Variants in PVT1 observed in about 807,000 individuals in gnomAD.
The protein encoded by PVT1 is Pvt1 oncogene.
chr8:127,967,416 T>C (rs1253223858), intron 3 of PVT1, among the ~76,000 whole-genome samples: 2 of 152,174 alleles, frequency 1.3e-5, no homozygotes, highest in African/African-American at 4.8e-5. Context: ...GGACACAAAG[T>C]GGGCTTGTAA....
At chr8:128,070,830 A>T (rs768467157) in intron 5 of PVT1, among the ~76,000 whole-genome samples, 1 of 152,162 alleles carries the variant, frequency 6.6e-6, no homozygotes, top group African/African-American at 2.4e-5. Context: ...CCTGCCATGG[A>T]CTTTTTTTGA....
At chr8:127,915,372 G>A (rs1224762598) in intron 3 of PVT1, among the ~76,000 whole-genome samples, 1 of 151,758 alleles carries the variant, frequency 6.6e-6, no homozygotes, top group Non-Finnish European at 1.5e-5. Context: ...CACTTTGGGA[G>A]GCCGAGGCGG....
chr8:127,864,463 G>T (rs58865617), intron 2 of PVT1, among the ~76,000 whole-genome samples: 2,940 of 152,274 alleles, frequency 0.019, 96 homozygotes, highest in African/African-American at 0.067. Context: ...TTCAATAAAT[G>T]TTGATTTCTC....
chr8:127,911,873 G>A lies in PVT1; in HGVS notation n.782+20875G>A, dbSNP rs535817402. Among the ~76,000 whole-genome samples, 6 of 152,376 alleles carry A rather than the reference G, an allele frequency of 3.9e-5. No individual in the cohort carries two copies. In the South Asian group the frequency reaches 1.2e-3, roughly 32 times the overall value. ...CCCTTATCTTAGGCGATGGCCAAAA[G>A]AACAGCTTTACATTCAGTAAACTGT... On this transcript the variant is annotated intron_variant and non_coding_transcript_variant, in intron 3 of 10. Transcript: ENST00000651587.
chr8:128,100,505 A>G (rs551742336), intron 6 of PVT1, among the ~76,000 whole-genome samples: 7 of 152,340 alleles, frequency 4.6e-5, no homozygotes, highest in African/African-American at 1.7e-4. Context: ...TGGGGAGGTG[A>G]CAGTCAAGCC....
chr8:128,018,592 C>T (rs1470146922), intron 4 of PVT1, among the ~76,000 whole-genome samples: 1 of 152,150 alleles, frequency 6.6e-6, no homozygotes, highest in East Asian at 1.9e-4. Flanking sequence ...CTTCAGGTGG[C>T]CGTAGCAGTA....
intron 4 of PVT1, among the ~76,000 whole-genome samples, chr8:128,025,221 A>G (rs543543882): frequency 6.6e-6 from 1 of 152,202 alleles, no homozygotes; most frequent in Non-Finnish European, 1.5e-5. Flanking sequence ...GGTTCGGGGT[A>G]CGGAAGCAGG....
intron 2 of PVT1, among the ~76,000 whole-genome samples, chr8:127,811,644 G>A (rs867127279): frequency 6.6e-6 from 1 of 152,192 alleles, no homozygotes; most frequent in African/African-American, 2.4e-5. Flanking sequence ...GTATGTGCCT[G>A]GAAAAGTCAT....
intron 3 of PVT1, among the ~76,000 whole-genome samples, chr8:127,896,806 A>C: frequency 7.4e-6 from 1 of 134,700 alleles, no homozygotes; most frequent in South Asian, 2.8e-4. Context: ...ACAGGCCCCA[A>C]TGTGCTCAAG....
At chr8:127,866,259 C>T (rs1037920518) in intron 2 of PVT1, among the ~76,000 whole-genome samples, 4 of 152,198 alleles carry the variant, frequency 2.6e-5, no homozygotes, top group Non-Finnish European at 4.4e-5. Flanking sequence ...TTCCATAACA[C>T]GTATCCCAAC....
intron 2 of PVT1, among the ~76,000 whole-genome samples, chr8:127,806,733 A>G (rs1307283600): frequency 6.6e-6 from 1 of 152,148 alleles, no homozygotes; most frequent in East Asian, 1.9e-4. Context: ...CCAACCCCTG[A>G]GTTGTTTGCT....
intron 2 of PVT1, among the ~76,000 whole-genome samples, chr8:127,853,823 G>A (rs1815131343): frequency 6.7e-6 from 1 of 149,460 alleles, no homozygotes; most frequent in South Asian, 2.2e-4. Context: ...AAAAAAAAAA[G>A]TGAATAAAGA....
intron 2 of PVT1, among the ~76,000 whole-genome samples, chr8:127,807,829 G>A (rs902384898): frequency 4.0e-5 from 6 of 150,348 alleles, no homozygotes; most frequent in African/African-American, 1.5e-4. Flanking sequence ...GTGCAGTGGC[G>A]CCATCTCGGC....
intron 5 of PVT1, among the ~76,000 whole-genome samples, chr8:128,085,214 A>T (rs1814241125): frequency 6.6e-6 from 1 of 152,138 alleles, no homozygotes; most frequent in Non-Finnish European, 1.5e-5. Flanking sequence ...AGCATCAGCC[A>T]GCAATCCTGA....
At chr8:127,938,408 G>C (rs1816305677) in intron 3 of PVT1, among the ~76,000 whole-genome samples, 1 of 152,136 alleles carries the variant, frequency 6.6e-6, no homozygotes, top group East Asian at 1.9e-4. Context: ...TGTGTCCACG[G>C]CATGTTCCTC....
intron 3 of PVT1, among the ~76,000 whole-genome samples, chr8:127,915,121 G>T (rs1815967091): frequency 2.0e-5 from 3 of 151,850 alleles, no homozygotes; most frequent in Non-Finnish European, 1.5e-5. Flanking sequence ...CACCACACCT[G>T]GCCAATGAGT....
rs761960376 is a variant in PVT1, at chr8:127,932,539, G to A, written n.782+41541G>A. The stretch of plus-strand genomic sequence containing the variant: ...GCACCTGCCTTATCCAACTCCCCAC[G>A]CTGTGGCTGAGTCCCAGCCTGCTAT... On this transcript the variant is annotated intron_variant and non_coding_transcript_variant, in intron 3 of 10. Transcript: ENST00000651587. 1.6e-4 allele frequency: 63 copies of A among 398,494 alleles called. No homozygotes were observed. The Middle Eastern group carries it at 3.1e-3, about 20-fold the overall frequency. 24.7% of individuals were successfully genotyped at this position (398,494 alleles called of 1,614,324 possible).
rs1211155873 is a variant in PVT1, at chr8:127,898,118, G to A, written n.782+7120G>A. Among the ~76,000 whole-genome samples the A allele has an allele frequency of 2.0e-5, 3 of 148,320 alleles. No individual in the cohort carries two copies. The highest frequency in any genetic ancestry group is 4.5e-5 in the Non-Finnish European group (3 of 66,932). ...AGGAAGGAAAGAAGGAAGGAAGGAA[G>A]AAAGAAGGAAAGAAAGAAGATTCAT... On this transcript the variant is annotated intron_variant and non_coding_transcript_variant, in intron 3 of 10. Transcript: ENST00000651587. This position sits in a 1 kb window ranked among gnomAD's most constrained non-coding sequence, Gnocchi z 4.4.
intron 2 of PVT1, among the ~76,000 whole-genome samples, chr8:127,826,416 A>G (rs1279495019): frequency 6.6e-6 from 1 of 152,174 alleles, no homozygotes; most frequent in Admixed American, 6.6e-5. Context: ...CGTTGAGTTC[A>G]GCCAACCTGC....
Sources: allele counts gnomAD v4.1 joint callset (sites outside exome capture counted in the v4.1 genomes callset), GRCh38; gene constraint gnomAD v4.1.1; non-coding constraint Gnocchi (gnomAD v3.1); transcripts MANE v1.5; gene names NCBI Gene and HGNC (gene_info 2026-07-23, HGNC 2026-07-21).